The following UBE2V1 variants were observed in gnomAD, a reference collection of about 807,000 sequenced individuals.
UBE2V1 encodes the protein ubiquitin conjugating enzyme E2 V1.
UBE2V1 carries 15 observed loss-of-function variants against 19.6 expected under a neutral mutation model. That is an observed-to-expected ratio of 0.77 (90% confidence interval 0.51 to 1.18). The LOEUF is 1.18. Among genes scored for constraint, UBE2V1 ranks in the 50% most tolerant of loss-of-function variants. UBE2V1 has a pLI of 0.00. For synonymous variants in UBE2V1, 60 were observed against 60.7 expected (o/e 0.99, Z 0.05); for missense variants, 125 against 184.8 (o/e 0.68, Z 1.88).
At chr20:50,096,603 T>C in intron 2 of UBE2V1, 69 bp downstream of exon 2, 1 of 1,607,550 alleles carries the variant, frequency 6.2e-7, no homozygotes. Context: ...GTGATAAGGC[T>C]AATATTTTTT....
At chr20:50,100,905 T>A (rs1028519269) in intron 1 of UBE2V1, among the ~76,000 whole-genome samples, 2 of 152,228 alleles carry the variant, frequency 1.3e-5, no homozygotes, top group Non-Finnish European at 2.9e-5. Flanking sequence ...TGCTATTAGT[T>A]TCAAAACAGT....
intron 1 of UBE2V1, among the ~76,000 whole-genome samples, chr20:50,111,765 C>T (rs916246874): frequency 5.9e-5 from 9 of 152,140 alleles, no homozygotes; most frequent in Non-Finnish European, 1.2e-4. Context: ...AAAGAATTCC[C>T]CTCACCCTAT....
chr20:50,114,963 G>A (rs144224813), upstream of UBE2V1: 2,690 of 152,246 alleles, frequency 0.018, 74 homozygotes, highest in African/African-American at 0.055. Context: ...CTACTCGGGA[G>A]GCTGAGGCAG....
intron 1 of UBE2V1, among the ~76,000 whole-genome samples, chr20:50,100,001 G>A (rs924855067): frequency 6.6e-6 from 1 of 150,396 alleles, no homozygotes. Flanking sequence ...AGGAGGCTGA[G>A]AGGGGAGGGT....
At chr20:50,084,775 A>AAGGGATTTC in intron 2 of UBE2V1, 1 of 345,250 alleles carries the variant, frequency 2.9e-6, no homozygotes, top group Non-Finnish European at 5.7e-6. Context: ...GGCACTGGGT[A>AAGGGATTTC]AGGGATTTCA....
At chr20:50,105,889 C>T (rs1476790465) in intron 1 of UBE2V1, among the ~76,000 whole-genome samples, 3 of 151,966 alleles carry the variant, frequency 2.0e-5, no homozygotes, top group African/African-American at 7.3e-5. Context: ...GCGATCATGC[C>T]ACTGCAGCCC....
At chr20:50,109,075 T>C in intron 1 of UBE2V1, 1 of 985,444 alleles carries the variant, frequency 1.0e-6, no homozygotes, top group Non-Finnish European at 1.2e-6. Flanking sequence ...CCTCCCTCAG[T>C]AATGTGGGTG....
intron 1 of UBE2V1, among the ~76,000 whole-genome samples, chr20:50,102,688 G>A (rs916980047): frequency 2.0e-5 from 3 of 152,102 alleles, no homozygotes; most frequent in Admixed American, 6.6e-5. Flanking sequence ...CACCGTGCTC[G>A]GCCGACGATC....
rs759685315 is a variant in UBE2V1 at position 50,096,700 on chromosome 20, C to T, written c.143G>A (p.Trp48Ter). 1 of 1,614,096 alleles carries T rather than the reference C, an allele frequency of 6.2e-7. No individual in the cohort carries two copies. The highest frequency in any genetic ancestry group is 1.1e-5 in the South Asian group (1 of 91,070). ...TGGAGGCCCAATTATCATCCCTGTC[C>T]ATCTTGTAAGTGTCATGTCTTCGTC... The part of the protein sequence containing the change: ...EDDEDMTLTR[W>*]TGMIIGPPRT... Residue 48 changes from tryptophan to a stop codon, truncating the protein, a stop_gained, in exon 2 of 4, where the codon TGG (tryptophan) becomes TAG (stop). Transcript: ENST00000371674. LOFTEE classifies it high-confidence loss of function.
chr20:50,093,758 G>A (rs886249039), intron 2 of UBE2V1, among the ~76,000 whole-genome samples: 2 of 151,746 alleles, frequency 1.3e-5, no homozygotes, highest in South Asian at 2.1e-4. Flanking sequence ...TTGGGAGGCC[G>A]AGGTGGGTAG....
chr20:50,099,060 T>C (rs981953676), intron 1 of UBE2V1: 17 of 788,680 alleles, frequency 2.2e-5, no homozygotes, highest in African/African-American at 5.6e-5. Flanking sequence ...TCTAAATCTT[T>C]AATAATCCTA....
At chr20:50,094,034 A>T (rs1451203670) in intron 2 of UBE2V1, among the ~76,000 whole-genome samples, 274 of 84,872 alleles carry the variant, frequency 3.2e-3, no homozygotes, top group African/African-American at 0.014. Context: ...ATAATAATAA[A>T]ATATATATAT....
intron 1 of UBE2V1, among the ~76,000 whole-genome samples, chr20:50,104,851 C>G (rs1386845363): frequency 6.6e-6 from 1 of 151,692 alleles, no homozygotes; most frequent in African/African-American, 2.4e-5. Flanking sequence ...CTCAGCCTCC[C>G]GAGTGGCTGG....
chr20:50,091,056 T>A (rs1036938521), intron 2 of UBE2V1, among the ~76,000 whole-genome samples: 4 of 151,902 alleles, frequency 2.6e-5, no homozygotes, highest in Admixed American at 6.6e-5. Flanking sequence ...GGAAAAAAAA[T>A]TTTTTTTGAG....
chr20:50,082,745 G>T lies in UBE2V1; in HGVS notation c.*23C>A. On this transcript the variant is annotated 3_prime_UTR_variant, in exon 4 of 4. Transcript: ENST00000371674. ...TAAATCGAATTGGGGGGAAGGGGAA[G>T]GGCCTGTGGTTTTTCTTTTTGATTA... 1 of 1,604,770 alleles carries T rather than the reference G, an allele frequency of 6.2e-7. No individual in the cohort carries two copies.
At chr20:50,113,744 A>G (rs1274414327), upstream of UBE2V1, among the ~76,000 whole-genome samples, 2 of 152,074 alleles carry the variant, frequency 1.3e-5, no homozygotes, top group Non-Finnish European at 2.9e-5. Flanking sequence ...TGGCAGGGAA[A>G]GCATTTGCTA....
intron 1 of UBE2V1, among the ~76,000 whole-genome samples, chr20:50,100,769 A>C (rs763181496): frequency 9.2e-5 from 14 of 152,318 alleles, no homozygotes; most frequent in Admixed American, 4.6e-4. Context: ...CAGCTGGACT[A>C]TTTATAGTAG....
chr20:50,095,880 G>T (rs1375034117), intron 2 of UBE2V1: 1 of 152,224 alleles, frequency 6.6e-6, no homozygotes, highest in Non-Finnish European at 1.5e-5. Context: ...CAGCACAGTG[G>T]TTAAGAGCAC....
Position 50,096,798 on chromosome 20 carries a change from G to A in UBE2V1, c.45C>T (p.Phe15=), listed in dbSNP as rs752398150. ...TGSGVKVPRN[F]RLLEELEEGQ... ...CTTCTTCGAGTTCTTCCAACAGTCG[G>A]AAATTGCGAGGGACTTTTACTCCTA... The change falls in exon 2 of 4, where the codon TTC becomes TTT. Residue 15 remains phenylalanine, a synonymous_variant. Coordinates refer to ENST00000371674, the MANE Select transcript of UBE2V1 (RefSeq NM_001032288.3). The A allele has an allele frequency of 3.7e-6, 6 of 1,613,866 alleles. No individual in the cohort carries two copies. Among genetic ancestry groups the A allele is most frequent in the Non-Finnish European group, 5.1e-6 (6 of 1,179,944 alleles).
Sources: allele counts gnomAD v4.1 joint callset (sites outside exome capture counted in the v4.1 genomes callset), GRCh38; gene constraint gnomAD v4.1.1; transcripts MANE v1.5; gene names NCBI Gene and HGNC (gene_info 2026-07-23, HGNC 2026-07-21).